PCDHA7: variants seen among roughly 807,000 people sequenced by gnomAD.
PCDHA7 encodes protocadherin alpha 7, also known as protocadherin alpha-7.
Under a neutral mutation model 57.2 loss-of-function variants are expected in PCDHA7, and 37 were observed. The ratio of observed to expected loss-of-function variants is 0.65; its 90% CI spans 0.50 to 0.85. The LOEUF is 0.85. Ranked by LOEUF, PCDHA7 falls within the 40% of genes least tolerant of loss-of-function variation. The probability of loss-of-function intolerance (pLI) is 0.00; values close to 1 mark genes in which losing one functional copy is unlikely to be tolerated. For synonymous variants in PCDHA7, 553 were observed against 558.8 expected (o/e 0.99, Z 0.15); for missense variants, 1,188 against 1,241.8 (o/e 0.96, Z 0.65).
At chr5:141,006,305 G>A (rs548520638) in intron 3 of PCDHA7, among the ~76,000 whole-genome samples, 25 of 151,934 alleles carry the variant, frequency 1.6e-4, no homozygotes, top group Admixed American at 5.2e-4. Context: ...TCCACTTCCC[G>A]GGTTCATGCC....
At chr5:140,843,133 C>A (rs2150353566) in intron 1 of PCDHA7, 4 of 1,595,862 alleles carry the variant, frequency 2.5e-6, no homozygotes, top group African/African-American at 2.7e-5. Context: ...CGGGCTACAA[C>A]GCGTGGCTTT....
chr5:140,884,409 C>T, intron 1 of PCDHA7: 4 of 1,613,992 alleles, frequency 2.5e-6, no homozygotes, highest in Non-Finnish European at 3.4e-6. Context: ...TTGGTGCTCA[C>T]GTTGCTGCTG....
At chr5:140,887,072 C>T (rs1270434147) in intron 1 of PCDHA7, among the ~76,000 whole-genome samples, 1 of 151,836 alleles carries the variant, frequency 6.6e-6, no homozygotes, top group African/African-American at 2.4e-5. Context: ...CAAATTCACT[C>T]AGCTTTTGTC....
At chr5:140,856,352 A>G in intron 1 of PCDHA7, 1 of 1,598,598 alleles carries the variant, frequency 6.3e-7, no homozygotes, top group South Asian at 1.1e-5. Context: ...CGTGGAGTGC[A>G]GCATCCACCT....
intron 1 of PCDHA7, among the ~76,000 whole-genome samples, chr5:140,903,182 G>A (rs1030121963): frequency 1.3e-5 from 2 of 152,164 alleles, no homozygotes; most frequent in Non-Finnish European, 2.9e-5. Flanking sequence ...CCCACCAATA[G>A]TATAAAAGAG....
At chr5:140,901,539 A>G (rs192107124) in intron 1 of PCDHA7, among the ~76,000 whole-genome samples, 2 of 152,070 alleles carry the variant, frequency 1.3e-5, no homozygotes, top group East Asian at 1.9e-4. Context: ...TTGGTTCTCT[A>G]TTCTGTTCCA....
intron 1 of PCDHA7, among the ~76,000 whole-genome samples, chr5:140,838,271 G>A (rs1439156541): frequency 7.8e-6 from 1 of 127,938 alleles, no homozygotes; most frequent in Non-Finnish European, 1.6e-5. Context: ...CAACAACCAA[G>A]CCATGCTAAT....
chr5:140,877,572 C>T (rs2057210526), intron 1 of PCDHA7: 6 of 1,613,784 alleles, frequency 3.7e-6, no homozygotes, highest in Non-Finnish European at 4.2e-6. Flanking sequence ...ACGTGTACCT[C>T]ATCATCGCCA....
chr5:140,993,532 A>C (rs1159592677), intron 3 of PCDHA7, among the ~76,000 whole-genome samples: 1 of 151,984 alleles, frequency 6.6e-6, no homozygotes, highest in African/African-American at 2.4e-5. Flanking sequence ...ACAGAGAGAG[A>C]GAGAGATAGA....
At chr5:140,881,382 C>T (rs1312033271) in intron 1 of PCDHA7, 2 of 983,994 alleles carry the variant, frequency 2.0e-6, no homozygotes, top group Non-Finnish European at 2.4e-6. Flanking sequence ...CAGCCGGCGG[C>T]GGTAAGTTAA....
At position 140,835,967 on chromosome 5, in the gene PCDHA7, G is replaced by A. The variant is rs2150249249; in HGVS notation, c.1584G>A (p.Leu528=). Residue 528 remains leucine, a synonymous_variant, in exon 1 of 4, where the codon CTG becomes CTA. Transcript: ENST00000525929. ...YALQPLDHEE[L]ELLQFQVSAR... ...TGCAGCCGTTGGACCACGAGGAGCT[G>A]GAGCTGTTGCAGTTCCAGGTGAGCG... The A allele has an allele frequency of 2.5e-6, 4 of 1,613,286 alleles. No homozygotes were observed. The highest frequency in any genetic ancestry group is 1.7e-5 in the Admixed American group (1 of 60,022).
chr5:140,875,234 T>C, intron 1 of PCDHA7: 1 of 867,742 alleles, frequency 1.2e-6, no homozygotes. Context: ...ATCTTTCTTG[T>C]ACTTACATAA....
At chr5:140,872,005 G>A (rs961415529) in intron 1 of PCDHA7, among the ~76,000 whole-genome samples, 3 of 152,200 alleles carry the variant, frequency 2.0e-5, no homozygotes, top group Admixed American at 1.3e-4. Context: ...CTATTTACAG[G>A]TGACCTGTAG....
chr5:140,944,582 C>T (rs1273246926), intron 1 of PCDHA7, among the ~76,000 whole-genome samples: 1 of 152,146 alleles, frequency 6.6e-6, no homozygotes, highest in Non-Finnish European at 1.5e-5. Flanking sequence ...GAGATCACTT[C>T]AGAATTTCCC....
chr5:141,003,452 C>G (rs1554259072), intron 3 of PCDHA7, among the ~76,000 whole-genome samples: 1 of 152,112 alleles, frequency 6.6e-6, no homozygotes, highest in Non-Finnish European at 1.5e-5. Flanking sequence ...GATGAAATTA[C>G]AGGCGTGCAC....
intron 3 of PCDHA7, among the ~76,000 whole-genome samples, chr5:141,004,826 G>A (rs2098183640): frequency 6.6e-6 from 1 of 152,112 alleles, no homozygotes; most frequent in East Asian, 1.9e-4. Flanking sequence ...GATTAACTTA[G>A]ATAGATCAAA....
rs2086150778 is a variant in PCDHA7, at chr5:140,929,428, G to C, written c.2356-49521G>C. ...AGCCTTTCACAACATTTCATCAATT[G>C]AACTAAACACTCCTTCTTAGCACTT... On this transcript the variant is annotated intron_variant, in intron 1 of 3. Coordinates refer to ENST00000525929, the MANE Select transcript of PCDHA7 (RefSeq NM_018910.3). 4 of 1,491,484 alleles carry C rather than the reference G, an allele frequency of 2.7e-6. No homozygotes were observed. The East Asian group carries it at 6.9e-5, about 26-fold the overall frequency. 92.4% of individuals were successfully genotyped at this position (1,491,484 alleles called of 1,614,324 possible). A position where few individuals can be genotyped will look rare whatever the true frequency, so the allele number is the denominator to read the frequency against.
intron 1 of PCDHA7, among the ~76,000 whole-genome samples, chr5:140,939,041 T>G (rs2092303651): frequency 6.6e-6 from 1 of 152,222 alleles, no homozygotes; most frequent in Admixed American, 6.5e-5. Context: ...AAGAGTTGTC[T>G]TAGTCCATTT....
chr5:140,877,760 G>T, intron 1 of PCDHA7: 1 of 1,614,194 alleles, frequency 6.2e-7, no homozygotes, highest in Non-Finnish European at 8.5e-7. Flanking sequence ...TCTGCAGAGA[G>T]CCCGCCCAAG....
Sources: gnomAD v4.1 joint callset for allele counts (sites outside exome capture counted in the v4.1 genomes callset) on GRCh38, gnomAD v4.1.1 for gene constraint, MANE v1.5 for transcripts, NCBI Gene and HGNC (gene_info 2026-07-23, HGNC 2026-07-21) for gene names.